BRD3: variants seen among roughly 807,000 people sequenced by gnomAD.
BRD3 encodes the protein bromodomain containing 3, also known as bromodomain-containing protein 3.
BRD3 carries 17 observed loss-of-function variants against 66.8 expected under a neutral mutation model. The observed-to-expected ratio is 0.25, with a 90% CI of 0.17 to 0.38. The LOEUF (loss-of-function observed/expected upper bound fraction) is 0.38, where lower values mean the gene tolerates loss of function less well. Among genes scored for constraint, BRD3 ranks in the 10% least tolerant of loss-of-function variants. BRD3 has a pLI of 1.00. For missense variants in BRD3, 713 were observed against 956.1 expected (o/e 0.75, Z 3.35); for synonymous variants, 421 against 393.2 (o/e 1.07, Z -0.84).
chr9:134,046,216 G>C lies in BRD3; in HGVS notation c.1087-795C>G, dbSNP rs145060791. Among the ~76,000 whole-genome samples, 529 of 152,356 alleles carry C rather than the reference G, an allele frequency of 3.5e-3. 2 individuals are homozygous for C. The highest frequency in any genetic ancestry group is 0.012 in the African/African-American group (492 of 41,594). The stretch of plus-strand genomic sequence containing the variant: ...GGGAGGTGCAGGTGGCTCTGCCAGG[G>C]AGTGGCCAGAGGCAGGATCGTCGAG... On this transcript the variant is annotated intron_variant, in intron 6 of 11. Coordinates refer to ENST00000303407, the MANE Select transcript of BRD3 (RefSeq NM_007371.4).
At chr9:134,067,880 C>A in intron 1 of BRD3, 65 bp downstream of exon 1, 1 of 144,948 alleles carries the variant, frequency 6.9e-6, no homozygotes, top group South Asian at 1.9e-4. Flanking sequence ...CCGGCCCAGC[C>A]CGGCCCGCCG....
At chr9:134,040,843 G>A (rs945800385) in intron 8 of BRD3, among the ~76,000 whole-genome samples, 64 of 152,346 alleles carry the variant, frequency 4.2e-4, no homozygotes, top group African/African-American at 1.4e-3. Flanking sequence ...CCAGCAACCA[G>A]CATTAATCCA....
Position 134,032,460 on chromosome 9 carries a change from A to C in BRD3, c.*1130T>G, listed in dbSNP as rs1229886432. On this transcript the variant is annotated 3_prime_UTR_variant, in exon 12 of 12. Transcript: ENST00000303407. ...CATACAAAAAAAAAAAAAAAAAAAA[A>C]CCACAAAGAAAAAAACCAAAAAACC... The C allele has an allele frequency of 5.9e-4, 128 of 215,164 alleles. No homozygotes were observed. The highest frequency in any genetic ancestry group is 2.8e-3 in the African/African-American group (120 of 43,232). The allele number at this position is 215,164 out of a possible 1,614,324, so 13.3% of individuals were successfully genotyped here. A position where few individuals can be genotyped will look rare whatever the true frequency, so the allele number is the denominator to read the frequency against.
chr9:134,035,518 C>T (rs1219667489), intron 10 of BRD3, among the ~76,000 whole-genome samples: 1 of 152,176 alleles, frequency 6.6e-6, no homozygotes, highest in East Asian at 1.9e-4. Flanking sequence ...AAGCCTGGGC[C>T]GGTGCCCCAG....
At position 134,033,670 on chromosome 9, in the gene BRD3, T is replaced by C; in HGVS notation, c.2101A>G (p.Arg701Gly). Residue 701 changes from arginine to glycine, a missense_variant, in exon 12 of 12, where the codon AGG becomes GGG. Transcript: ENST00000303407. This position sits in a 1 kb window ranked among gnomAD's most constrained non-coding sequence, Gnocchi z 5.1. The part of the protein sequence containing the change: ...PGSAPSGGPS[R>G]LSSSSSSESG... ...TCGGAGGAGCTGCTGCTGCTGAGCC[T>C]GGACGGGCCCCCTGAGGGTGCTGAG... 1 of 764,626 alleles carries C rather than the reference T, an allele frequency of 1.3e-6. No homozygotes were observed. The highest frequency in any genetic ancestry group is 2.4e-6 in the Non-Finnish European group (1 of 411,450). The allele number at this position is 764,626 out of a possible 1,614,324, so 47.4% of individuals were successfully genotyped here.
chr9:134,055,534 C>T (rs572948884), intron 1 of BRD3, among the ~76,000 whole-genome samples: 40 of 152,322 alleles, frequency 2.6e-4, no homozygotes, highest in Admixed American at 6.5e-4. Context: ...TCCACTTCCC[C>T]ACGAGGCTCC....
intron 11 of BRD3, among the ~76,000 whole-genome samples, chr9:134,034,229 G>C (rs562005992): frequency 1.3e-5 from 2 of 152,352 alleles, no homozygotes; most frequent in South Asian, 4.1e-4. Flanking sequence ...GCTCTAACAG[G>C]GTCCAGAAAA....
At chr9:134,041,114 GCCCTGATTCATGCTGTTC>G (rs1222716161) in intron 8 of BRD3, among the ~76,000 whole-genome samples, 1 of 152,234 alleles carries the variant, frequency 6.6e-6, no homozygotes, top group Non-Finnish European at 1.5e-5. Context: ...TGTCCTTGCA[GCCCTGATTCATGCTGTTC>G]CCCTCCTGAC....
intron 3 of BRD3, among the ~76,000 whole-genome samples, 162 bp downstream of exon 3, chr9:134,052,144 C>T (rs1588291650): frequency 6.6e-6 from 1 of 152,240 alleles, no homozygotes; most frequent in East Asian, 1.9e-4. Context: ...CCGCCGACCT[C>T]GGCCTCCCAA....
At chr9:134,042,069 G>A in intron 7 of BRD3, 118 bp from the exon 8 acceptor site, 2 of 1,184,508 alleles carry the variant, frequency 1.7e-6, no homozygotes, top group Non-Finnish European at 1.1e-6. Flanking sequence ...TTACGAAGGT[G>A]GGGCTAGGAG....
At chr9:134,061,656 G>T (rs1830546218) in intron 1 of BRD3, among the ~76,000 whole-genome samples, 1 of 152,216 alleles carries the variant, frequency 6.6e-6, no homozygotes. Flanking sequence ...CCGTCTCCTG[G>T]ACTCTGTCCT....
chr9:134,055,986 C>T (rs894452368), intron 1 of BRD3: 2 of 152,494 alleles, frequency 1.3e-5, no homozygotes, highest in African/African-American at 4.8e-5. Context: ...AGAAGGAGCC[C>T]AGCTCCAGCC....
At chr9:134,067,716 A>ACCG (rs574052202) in intron 1 of BRD3, among the ~76,000 whole-genome samples, 7 of 142,618 alleles carry the variant, frequency 4.9e-5, no homozygotes, top group East Asian at 2.1e-4. Context: ...AGCCCGCGCC[A>ACCG]CCGCCGCCGC....
Position 134,051,571 on chromosome 9 carries a change from G to T in BRD3, c.490C>A (p.Gln164Lys). 6.4e-7 allele frequency: 1 copy of T among 1,553,332 alleles called. No homozygotes were observed. The highest frequency in any genetic ancestry group is 8.6e-7 in the Non-Finnish European group (1 of 1,160,414). ...GKGRKPAAGAQSAGTQQVAAV... is the reference protein window; with the variant it reads ...GKGRKPAAGAKSAGTQQVAAV... ...CCCCAGCTCCCTTTACCTGCGCTCT[G>T]GGCTCCCGCAGCCGGCTTCCGACCT... Residue 164 changes from glutamine (Q) to lysine (K), a missense_variant, in exon 4 of 12, where the codon CAG (glutamine) becomes AAG (lysine). Physicochemically the swap from Gln to Lys is moderately conservative, Grantham distance 53. Around this residue, in one of 5 missense-constraint regions of BRD3, gnomAD observed 120 missense variants for 122.8 expected, o/e 0.98. Transcript: ENST00000303407.
At position 134,031,197 on chromosome 9, in the gene BRD3, G is replaced by A. The variant is rs1250057856; in HGVS notation, c.*2393C>T. 6.8e-5 allele frequency: 15 copies of A among 221,600 alleles called. No homozygotes were observed. The highest frequency in any genetic ancestry group is 4.6e-4 in the East Asian group (7 of 15,368). The allele number at this position is 221,600 out of a possible 1,614,324, so 13.7% of individuals were successfully genotyped here. A position where few individuals can be genotyped will look rare whatever the true frequency, so the allele number is the denominator to read the frequency against. On this transcript the variant is annotated 3_prime_UTR_variant, in exon 12 of 12. Transcript: ENST00000303407. ...GGAGCAGAGGCGAGCCGACGCCACC[G>A]TCACAGAGAACCAGCCGAGAAGGAA...
chr9:134,047,836 TA>T (rs1467416717), intron 6 of BRD3, among the ~76,000 whole-genome samples: 8 of 152,202 alleles, frequency 5.3e-5, no homozygotes, highest in Non-Finnish European at 1.2e-4. Context: ...ATGAAATCAC[TA>T]AACGGGTTCG....
At chr9:134,048,553 G>A (rs568062138) in intron 5 of BRD3, 99 bp from the exon 6 acceptor site, 8 of 1,544,182 alleles carry the variant, frequency 5.2e-6, no homozygotes, top group African/African-American at 1.4e-5. Flanking sequence ...CCTGCCTGGC[G>A]CTGGGCTAAG....
In BRD3 at chr9:134,031,018, A is replaced by G; in HGVS notation, c.*2572T>C. On this transcript the variant is annotated 3_prime_UTR_variant, in exon 12 of 12. Coordinates refer to ENST00000303407, the MANE Select transcript of BRD3 (RefSeq NM_007371.4). ...GACTGTCACCCTCAGCCCGCCAGCA[A>G]GGGCGCTGAGGAAGTCATTAATCCT... 4.3e-6 allele frequency: 1 copy of G among 230,768 alleles called. No individual in the cohort carries two copies. The highest frequency in any genetic ancestry group is 8.6e-6 in the Non-Finnish European group (1 of 116,466). The allele number at this position is 230,768 out of a possible 1,614,324, so 14.3% of individuals were successfully genotyped here.
intron 7 of BRD3, among the ~76,000 whole-genome samples, chr9:134,043,814 C>T (rs1830110805): frequency 6.6e-6 from 1 of 152,222 alleles, no homozygotes; most frequent in South Asian, 2.1e-4. Flanking sequence ...TCTCACTTTC[C>T]TGAATAGCTG....
Sources: gnomAD v4.1 joint callset for allele counts (sites outside exome capture counted in the v4.1 genomes callset) on GRCh38, gnomAD v4.1.1 for gene constraint, gnomAD v4.1.1 regional missense constraint, Gnocchi (gnomAD v3.1) non-coding constraint, MANE v1.5 for transcripts, NCBI Gene and HGNC (gene_info 2026-07-23, HGNC 2026-07-21) for gene names.